PITPNB: variants seen among roughly 807,000 people sequenced by gnomAD.
The protein encoded by PITPNB is phosphatidylinositol transfer protein beta, also known as phosphatidylinositol transfer protein beta isoform.
A neutral mutation model predicts 45.9 loss-of-function variants in PITPNB; 16 were observed. That is an observed-to-expected ratio of 0.35 (90% CI 0.24 to 0.53). The LOEUF is 0.53. Ranked by LOEUF, PITPNB falls within the 20% of genes least tolerant of loss-of-function variation. PITPNB has a pLI of 0.93. For missense variants in PITPNB, 188 were observed against 330.5 expected, an observed-to-expected ratio of 0.57 and a Z score of 3.34; for synonymous variants, 112 against 108.9, an observed-to-expected ratio of 1.03 and a Z score of -0.18.
chr22:27,873,187 A>C (rs1401294458), intron 8 of PITPNB, among the ~76,000 whole-genome samples: 1 of 152,150 alleles, frequency 6.6e-6, no homozygotes, highest in Non-Finnish European at 1.5e-5. Flanking sequence ...CAATCACTTC[A>C]ACCCAGGAGG....
rs140963877 is a variant in PITPNB, at chr22:27,868,912, A to G, written c.534+4826T>C. On this transcript the variant is annotated intron_variant, in intron 8 of 11. Transcript: ENST00000335272. ...TGTATTTGTAGACACAGAAGCTTAA[A>G]TCTTCAAGAGGTGTCTGGCTTAAAT... Among the ~76,000 whole-genome samples the G allele has an allele frequency of 1.0e-3, 158 of 152,330 alleles. 2 individuals carry two copies. Among genetic ancestry groups the G allele is most frequent in the African/African-American group, 3.5e-3 (145 of 41,586 alleles).
chr22:27,908,213 A>G (rs559236655), intron 3 of PITPNB, among the ~76,000 whole-genome samples: 1 of 149,092 alleles, frequency 6.7e-6, no homozygotes, highest in African/African-American at 2.4e-5. Context: ...ATGAAAATAC[A>G]GAAGAGAATA....
intron 7 of PITPNB, among the ~76,000 whole-genome samples, chr22:27,893,125 A>T (rs976206908): frequency 1.3e-5 from 2 of 152,250 alleles, no homozygotes; most frequent in African/African-American, 2.4e-5. Flanking sequence ...AAAGGGTACC[A>T]CTCTTATTCC....
intron 10 of PITPNB, among the ~76,000 whole-genome samples, chr22:27,855,889 A>T (rs951146109): frequency 2.0e-5 from 3 of 152,176 alleles, no homozygotes; most frequent in Non-Finnish European, 4.4e-5. Context: ...AGGAAAAAGA[A>T]ATTTCTGCGT....
At position 27,853,372 on chromosome 22, in the gene PITPNB, C is replaced by T. The variant is rs879105447; in HGVS notation, c.*330G>A. Reference sequence around the variant, plus strand: ...GAAAATATTTTCTTTTGCATTCTTGCTGAAGATAGGTACAGTACTTTGGAG... The same window carrying T: ...GAAAATATTTTCTTTTGCATTCTTGTTGAAGATAGGTACAGTACTTTGGAG... On this transcript the variant is annotated 3_prime_UTR_variant, in exon 12 of 12. Transcript: ENST00000335272. 149 of 416,880 alleles carry T rather than the reference C, an allele frequency of 3.6e-4. 2 individuals carry two copies. The South Asian group carries it at 6.6e-3, about 18-fold the overall frequency. 25.8% of individuals were successfully genotyped at this position (416,880 alleles called of 1,614,324 possible). A position where few individuals can be genotyped will look rare whatever the true frequency, so the allele number is the denominator to read the frequency against.
At chr22:27,861,982 A>G (rs544980518) in intron 8 of PITPNB, among the ~76,000 whole-genome samples, 1 of 152,172 alleles carries the variant, frequency 6.6e-6, no homozygotes, top group African/African-American at 2.4e-5. Context: ...GACCCCTTTT[A>G]TAAAAACTAA....
intron 10 of PITPNB, 65 bp downstream of exon 10, chr22:27,858,322 C>A: frequency 1.6e-6 from 2 of 1,235,216 alleles, no homozygotes; most frequent in Non-Finnish European, 2.3e-6. Flanking sequence ...TCTGTATTTA[C>A]CAAGCATGTA....
intron 8 of PITPNB, among the ~76,000 whole-genome samples, chr22:27,863,934 G>A (rs1032242268): frequency 7.9e-5 from 12 of 152,036 alleles, no homozygotes; most frequent in Admixed American, 5.9e-4. Flanking sequence ...TATAAGCCAC[G>A]GGACAAAAAG....
At chr22:27,909,040 AC>A (rs1304160292) in intron 3 of PITPNB, among the ~76,000 whole-genome samples, 1 of 152,160 alleles carries the variant, frequency 6.6e-6, no homozygotes, top group African/African-American at 2.4e-5. Context: ...TCTGATCATG[AC>A]AGCTACAACT....
At chr22:27,910,814 A>G in intron 3 of PITPNB, 150 bp downstream of exon 3, 3 of 594,674 alleles carry the variant, frequency 5.0e-6, no homozygotes, top group Non-Finnish European at 9.1e-6. Context: ...TTTACAAATA[A>G]AGGAGGAGGT....
chr22:27,902,319 T>C (rs2146411916), intron 3 of PITPNB, among the ~76,000 whole-genome samples: 1 of 152,268 alleles, frequency 6.6e-6, no homozygotes, highest in Non-Finnish European at 1.5e-5. Flanking sequence ...CCAGCATGGC[T>C]AGACTGCAGT....
intron 9 of PITPNB, among the ~76,000 whole-genome samples, chr22:27,859,392 C>A (rs1934255008): frequency 6.6e-6 from 1 of 152,078 alleles, no homozygotes; most frequent in Non-Finnish European, 1.5e-5. Context: ...ATGAAACAGA[C>A]ATAACTAATT....
At chr22:27,858,247 C>T (rs907818134) in intron 10 of PITPNB, 140 bp downstream of exon 10, 2 of 667,122 alleles carry the variant, frequency 3.0e-6, no homozygotes, top group Non-Finnish European at 5.0e-6. Flanking sequence ...GTCTAAGAAA[C>T]TCCATTTTGA....
intron 8 of PITPNB, among the ~76,000 whole-genome samples, chr22:27,869,493 T>C (rs1465967581): frequency 6.6e-6 from 1 of 151,864 alleles, no homozygotes; most frequent in African/African-American, 2.4e-5. Flanking sequence ...CTCTGCTTTA[T>C]GCATGACCAA....
intron 10 of PITPNB, among the ~76,000 whole-genome samples, chr22:27,857,940 G>A (rs1171346491): frequency 1.3e-5 from 2 of 152,108 alleles, no homozygotes; most frequent in East Asian, 3.9e-4. Context: ...TCCAGAATTA[G>A]TAACAATACC....
intron 3 of PITPNB, among the ~76,000 whole-genome samples, chr22:27,902,975 C>T (rs1204239079): frequency 6.6e-6 from 1 of 152,118 alleles, no homozygotes; most frequent in Non-Finnish European, 1.5e-5. Flanking sequence ...AAGCAATCCT[C>T]CCACCTCAGC....
rs1249536262 is a variant in PITPNB, at chr22:27,854,845, T to C, written c.*38+9A>G. 1 of 1,575,992 alleles carries C rather than the reference T, an allele frequency of 6.3e-7. No individual in the cohort carries two copies. Among genetic ancestry groups the C allele is most frequent in the East Asian group, 2.2e-5 (1 of 44,580 alleles). On this transcript the variant is annotated intron_variant, in intron 11 of 11. Transcript: ENST00000335272. ...TTCGAAACATCTTTTTACCCAGGTC[T>C]TCACTTACACAGTTTGACATTGTCT...
At chr22:27,890,401 A>G (rs1254716379) in intron 7 of PITPNB, among the ~76,000 whole-genome samples, 2 of 152,040 alleles carry the variant, frequency 1.3e-5, no homozygotes, top group Non-Finnish European at 2.9e-5. Flanking sequence ...CTTACGTAAC[A>G]GTTCTTTAAT....
At chr22:27,894,017 T>C (rs1228849503) in intron 7 of PITPNB, 2 of 152,192 alleles carry the variant, frequency 1.3e-5, no homozygotes, top group Non-Finnish European at 2.9e-5. Flanking sequence ...AGTAGAAATA[T>C]TTACATCTTA....
Sources: gnomAD v4.1 joint callset for allele counts (sites outside exome capture counted in the v4.1 genomes callset) on GRCh38, gnomAD v4.1.1 for gene constraint, MANE v1.5 for transcripts, NCBI Gene and HGNC (gene_info 2026-07-23, HGNC 2026-07-21) for gene names.